DPYS: variants seen among roughly 807,000 people sequenced by gnomAD.
DPYS encodes the protein dihydropyrimidinase.
DPYS carries 39 observed loss-of-function variants against 50.3 expected under a neutral mutation model. That is an observed-to-expected ratio of 0.78 (90% confidence interval 0.60 to 1.01). The LOEUF is 1.01. Ranked by LOEUF, DPYS falls within the 50% of genes least tolerant of loss-of-function variation. The pLI is 0.00. For missense variants in DPYS, 659 were observed against 680.9 expected, an observed-to-expected ratio of 0.97 and a Z score of 0.36; for synonymous variants, 245 against 250.7, an observed-to-expected ratio of 0.98 and a Z score of 0.22.
At chr8:104,384,906 G>T (rs369440971) in intron 8 of DPYS, among the ~76,000 whole-genome samples, 1 of 152,150 alleles carries the variant, frequency 6.6e-6, no homozygotes, top group African/African-American at 2.4e-5. Context: ...CTGCATCACT[G>T]GTCAGCCTTC....
In DPYS at chr8:104,391,527, T is replaced by G. The variant is rs139285954; in HGVS notation, c.1443+1257A>C. On this transcript the variant is annotated intron_variant, in intron 8 of 9. Transcript: ENST00000351513. ...CCCCATATCCAGAAATTTAGATTTT[T>G]TAAATCTAAAATTCTCAAATATTTT... 9.8e-5 allele frequency among the ~76,000 whole-genome samples: 15 copies of G among 152,338 alleles called. No individual in the cohort carries two copies. In the East Asian group the frequency reaches 2.7e-3, roughly 27 times the overall value.
At position 104,428,261 on chromosome 8, in the gene DPYS, A is replaced by G. The variant is rs1588436273; in HGVS notation, c.951-140T>C. The G allele has an allele frequency of 1.6e-5, 18 of 1,132,582 alleles. No individual in the cohort carries two copies. In the East Asian group the frequency reaches 4.5e-4, roughly 28 times the overall value. 70.2% of individuals were successfully genotyped at this position (1,132,582 alleles called of 1,614,324 possible). A position where few individuals can be genotyped will look rare whatever the true frequency, so the allele number is the denominator to read the frequency against. On this transcript the variant is annotated intron_variant, in intron 5 of 9. Coordinates refer to ENST00000351513, the MANE Select transcript of DPYS (RefSeq NM_001385.3). ...CCAATGGAGAATGAGCAGTTTTTTC[A>G]AGAACATATTTCATCCCTCTCCTGT... is the stretch of plus-strand genomic sequence containing the variant.
intron 8 of DPYS, among the ~76,000 whole-genome samples, chr8:104,388,508 T>C (rs1811284723): frequency 6.6e-6 from 1 of 152,250 alleles, no homozygotes; most frequent in Admixed American, 6.5e-5. Context: ...ATATTTTTTG[T>C]AAACAATTAA....
intron 4 of DPYS, among the ~76,000 whole-genome samples, chr8:104,433,876 G>A (rs1468832124): frequency 6.6e-6 from 1 of 152,108 alleles, no homozygotes; most frequent in Non-Finnish European, 1.5e-5. Flanking sequence ...GGGAGACAGA[G>A]TTTACATAAA....
chr8:104,426,087 A>C (rs910833318), intron 6 of DPYS, among the ~76,000 whole-genome samples: 1 of 152,174 alleles, frequency 6.6e-6, no homozygotes, highest in African/African-American at 2.4e-5. Flanking sequence ...ATCTAAGTGA[A>C]GAGAAGTCAT....
intron 6 of DPYS, among the ~76,000 whole-genome samples, 187 bp from the exon 7 acceptor site, chr8:104,424,576 T>C (rs548780192): frequency 1.3e-5 from 2 of 152,292 alleles, no homozygotes; most frequent in East Asian, 3.9e-4. Context: ...TGGGGTAACA[T>C]ATGGAAGCCT....
At chr8:104,428,191 C>G in intron 5 of DPYS, 70 bp from the exon 6 acceptor site, 2 of 1,590,576 alleles carry the variant, frequency 1.3e-6, no homozygotes, top group Middle Eastern at 1.7e-4. Context: ...CTGCCATAAC[C>G]TTTCCTAATC....
intron 7 of DPYS, 44 bp downstream of exon 7, chr8:104,424,203 T>A: frequency 6.2e-7 from 1 of 1,613,846 alleles, no homozygotes; most frequent in Non-Finnish European, 8.5e-7. Flanking sequence ...AGTTAGTGCA[T>A]TTTCTCCACA....
intron 8 of DPYS, among the ~76,000 whole-genome samples, chr8:104,389,340 T>C (rs1811314239): frequency 1.3e-5 from 2 of 152,364 alleles, no homozygotes; most frequent in South Asian, 2.1e-4. Context: ...CTAGAGTTTT[T>C]ATGATTCTTT....
At chr8:104,388,509 A>G (rs773678261) in intron 8 of DPYS, among the ~76,000 whole-genome samples, 2 of 152,248 alleles carry the variant, frequency 1.3e-5, no homozygotes, top group African/African-American at 2.4e-5. Context: ...TATTTTTTGT[A>G]AACAATTAAT....
rs570566319 is a variant in DPYS, at chr8:104,423,627, G to A, written c.1235+620C>T. ...CAAAATTTATGAAAAACACAAATCA[G>A]GCTGCAGGTGTTGCCTGTACTAACG... On this transcript the variant is annotated intron_variant, in intron 7 of 9. Coordinates refer to ENST00000351513, the MANE Select transcript of DPYS (RefSeq NM_001385.3). Among the ~76,000 whole-genome samples the A allele has an allele frequency of 2.0e-5, 3 of 152,302 alleles. No individual in the cohort carries two copies. The East Asian group carries it at 5.8e-4, about 29-fold the overall frequency.
chr8:104,435,273 C>A (rs1228857636), intron 4 of DPYS, among the ~76,000 whole-genome samples: 1 of 152,104 alleles, frequency 6.6e-6, no homozygotes, highest in Non-Finnish European at 1.5e-5. Context: ...GGCTGGCAGA[C>A]TGGACTGTCC....
chr8:104,385,738 G>C (rs560984687), intron 8 of DPYS, among the ~76,000 whole-genome samples: 1 of 152,164 alleles, frequency 6.6e-6, no homozygotes, highest in Non-Finnish European at 1.5e-5. Flanking sequence ...GTTATCTTAG[G>C]AGTGCATTCC....
intron 7 of DPYS, among the ~76,000 whole-genome samples, chr8:104,400,778 C>G (rs995886894): frequency 6.6e-6 from 1 of 152,208 alleles, no homozygotes; most frequent in Non-Finnish European, 1.5e-5. Flanking sequence ...ATACACATCT[C>G]CAAGGCAGAA....
At chr8:104,433,681 T>A (rs17245950) in intron 4 of DPYS, among the ~76,000 whole-genome samples, 13,554 of 152,158 alleles carry the variant, frequency 0.089, 809 homozygotes, top group Non-Finnish European at 0.12. Flanking sequence ...TCACCTTGAC[T>A]CAGTTGCACA....
chr8:104,403,460 C>A (rs568902887), intron 7 of DPYS, among the ~76,000 whole-genome samples: 1 of 131,128 alleles, frequency 7.6e-6, no homozygotes, highest in Non-Finnish European at 1.6e-5. Context: ...TTGGAAGCAG[C>A]CTGCCACCAT....
chr8:104,466,227 ATGGT>A (rs1564119603), intron 1 of DPYS, among the ~76,000 whole-genome samples: 1 of 152,172 alleles, frequency 6.6e-6, no homozygotes, highest in Non-Finnish European at 1.5e-5. Flanking sequence ...ATGGGTCGAA[ATGGT>A]TGGGAGAAAT....
chr8:104,441,937 T>TG (rs1231710966), intron 4 of DPYS, among the ~76,000 whole-genome samples: 3 of 152,068 alleles, frequency 2.0e-5, no homozygotes, highest in African/African-American at 7.2e-5. Context: ...TATTTTCAAG[T>TG]GGAAAAAAAA....
chr8:104,392,766 C>T lies in DPYS; in HGVS notation c.1443+18G>A. The T allele has an allele frequency of 6.2e-7, 1 of 1,613,874 alleles. No homozygotes were observed. The highest frequency in any genetic ancestry group is 8.5e-7 in the Non-Finnish European group (1 of 1,179,848). ...AGACAGTCCGACTTGTGGCAGTATC[C>T]CACTGTGGCACACTCACCCGGTCTC... On this transcript the variant is annotated intron_variant, in intron 8 of 9. Coordinates refer to ENST00000351513, the MANE Select transcript of DPYS (RefSeq NM_001385.3).
Sources: allele counts gnomAD v4.1 joint callset (sites outside exome capture counted in the v4.1 genomes callset), GRCh38; gene constraint gnomAD v4.1.1; transcripts MANE v1.5; gene names NCBI Gene and HGNC (gene_info 2026-07-23, HGNC 2026-07-21).